Variants in TFAP2A observed in about 807,000 individuals in gnomAD.
TFAP2A encodes the protein transcription factor AP-2-alpha.
TFAP2A carries 7 observed loss-of-function variants against 41.5 expected under a neutral mutation model. The ratio of observed to expected loss-of-function variants is 0.17; its 90% CI spans 0.10 to 0.32. The LOEUF (loss-of-function observed/expected upper bound fraction) is 0.32. TFAP2A is among the 10% of genes least tolerant of loss of function. The probability of loss-of-function intolerance (pLI) is 1.00; values close to 1 mark genes in which losing one functional copy is unlikely to be tolerated. For missense variants in TFAP2A, 416 were observed against 563.3 expected, an observed-to-expected ratio of 0.74 and a Z score of 2.65; for synonymous variants, 247 against 242.8, an observed-to-expected ratio of 1.02 and a Z score of -0.16.
chr6:10,409,996 G>A lies in TFAP2A; in HGVS notation c.391C>T (p.Arg131Trp). The change falls in exon 2 of 7, where the codon CGG becomes TGG. Residue 131 changes from arginine to tryptophan, a missense_variant. By Grantham distance (101) the Arg-to-Trp change is moderately radical. Around this residue, in one of 3 missense-constraint regions of TFAP2A, gnomAD observed 241 missense variants for 274.1 expected, o/e 0.88. Coordinates refer to ENST00000379613, the MANE Select transcript of TFAP2A (RefSeq NM_001372066.1). ...SGLDPRRDYR[R>W]HEDLLHGPHA... is the part of the protein sequence containing the mutation. Reference sequence around the variant, plus strand: ...GGGCCGTGCAGGAGGTCCTCGTGCCGCCTGTAGTCCCTGCGAGGATCCAGG... The same window carrying A: ...GGGCCGTGCAGGAGGTCCTCGTGCCACCTGTAGTCCCTGCGAGGATCCAGG... 1 of 1,607,932 alleles carries A rather than the reference G, an allele frequency of 6.2e-7. No individual in the cohort carries two copies.
intron 2 of TFAP2A, among the ~76,000 whole-genome samples, chr6:10,408,217 T>C (rs1364073520): frequency 6.6e-6 from 1 of 152,254 alleles, no homozygotes; most frequent in Non-Finnish European, 1.5e-5. Context: ...AACCTTTTTC[T>C]TGACCCAAAT....
chr6:10,401,063 AGTCT>A (rs941604069), intron 5 of TFAP2A, among the ~76,000 whole-genome samples: 20 of 152,170 alleles, frequency 1.3e-4, no homozygotes, highest in African/African-American at 2.2e-4. Flanking sequence ...CACTCCACTG[AGTCT>A]GTCTGTGTTG....
In TFAP2A at chr6:10,406,652, T is replaced by TGCA. The variant is rs1261665152; in HGVS notation, c.538+140_538+141insTGC. 28 of 746,518 alleles carry TGCA rather than the reference T, an allele frequency of 3.8e-5. No homozygotes were observed. The African/African-American group carries it at 4.3e-4, about 12-fold the overall frequency. 46.2% of individuals were successfully genotyped at this position (746,518 alleles called of 1,614,324 possible). On this transcript the variant is annotated intron_variant, in intron 3 of 6. Coordinates refer to ENST00000379613, the MANE Select transcript of TFAP2A (RefSeq NM_001372066.1). Reference sequence around the variant, plus strand: ...TACTGAAGGCTGATTATTTAAGCATTGCTGTTCTGTGCCTATCTATTTGCT... The same window carrying TGCA: ...TACTGAAGGCTGATTATTTAAGCATTGCAGCTGTTCTGTGCCTATCTATTTGCT...
intron 2 of TFAP2A, 134 bp from the exon 3 acceptor site, chr6:10,406,978 A>G: frequency 1.3e-6 from 1 of 771,092 alleles, no homozygotes; most frequent in Non-Finnish European, 2.3e-6. Flanking sequence ...TTATATATAA[A>G]CATCTCATCT....
intron 1 of TFAP2A, chr6:10,412,186 C>CGA (rs1758001691): frequency 1.0e-6 from 1 of 986,176 alleles, no homozygotes; most frequent in Non-Finnish European, 1.2e-6. Flanking sequence ...AGAGGGAGCG[C>CGA]GAGAGACAAA....
Position 10,398,273 on chromosome 6 carries a change from A to G in TFAP2A, c.*144T>C, listed in dbSNP as rs1332048106. The G allele has an allele frequency of 6.4e-6, 10 of 1,565,704 alleles. No homozygotes were observed. The African/African-American group carries it at 8.1e-5, about 13-fold the overall frequency. ...AGTCCCGGAGACTCGGGGGGACCCA[A>G]GGGCAGCGGCGGCGGCGGCGGCGGC... On this transcript the variant is annotated 3_prime_UTR_variant, in exon 7 of 7. Transcript: ENST00000379613. The surrounding 1 kb of genome is among the most constrained non-coding windows in gnomAD (Gnocchi z 5.3).
At chr6:10,411,638 A>C in intron 1 of TFAP2A, 4 of 1,613,256 alleles carry the variant, frequency 2.5e-6, no homozygotes, top group Non-Finnish European at 2.5e-6. Context: ...GGAAAAAAAC[A>C]AGCAAGCCTG....
chr6:10,398,796 C>G lies in TFAP2A; in HGVS notation c.1032-91G>C. 6.8e-7 allele frequency: 1 copy of G among 1,462,956 alleles called. No individual in the cohort carries two copies. Among genetic ancestry groups the G allele is most frequent in the Non-Finnish European group, 9.3e-7 (1 of 1,074,588 alleles). 90.6% of individuals were successfully genotyped at this position (1,462,956 alleles called of 1,614,324 possible). A position where few individuals can be genotyped will look rare whatever the true frequency, so the allele number is the denominator to read the frequency against. Reference sequence around the variant, plus strand: ...AGAAAACCTCCCTCCCTGCAGCTACCTCTGCCGGGATCCAGCCGGTACCTG... The same window carrying G: ...AGAAAACCTCCCTCCCTGCAGCTACGTCTGCCGGGATCCAGCCGGTACCTG... On this transcript the variant is annotated intron_variant, in intron 6 of 6. Transcript: ENST00000379613. This position sits in a 1 kb window ranked among gnomAD's most constrained non-coding sequence, Gnocchi z 5.3.
chr6:10,411,715 C>A, intron 1 of TFAP2A: 1 of 1,560,826 alleles, frequency 6.4e-7, no homozygotes, highest in South Asian at 1.2e-5. Context: ...CCGCGCCACC[C>A]AGGACTCCAG....
At chr6:10,415,915 G>A (rs1758224205), upstream of TFAP2A, 1 of 152,214 alleles carries the variant, frequency 6.6e-6, no homozygotes. Flanking sequence ...TAAAATAAAA[G>A]TTGTACCCTG....
chr6:10,413,047 T>A (rs1194107786), intron 1 of TFAP2A, among the ~76,000 whole-genome samples: 1 of 152,102 alleles, frequency 6.6e-6, no homozygotes, highest in Non-Finnish European at 1.5e-5. Context: ...CACTCCCGCC[T>A]GACGCCCCCC....
chr6:10,410,243 G>A lies in TFAP2A; in HGVS notation c.144C>T (p.Ser48=). The change falls in exon 2 of 7, where the codon TCC becomes TCT. Residue 48 remains serine, a synonymous_variant. Transcript: ENST00000379613. The part of the protein sequence containing the change: ...QSPYTSAPPL[S]HTPNADFQPP... The stretch of plus-strand genomic sequence containing the variant: ...GCTGGAAGTCGGCATTGGGGGTGTG[G>A]GACAGCGGCGGGGCGCTCGTGTAGG... The A allele has an allele frequency of 6.2e-7, 1 of 1,611,946 alleles. No homozygotes were observed. The highest frequency in any genetic ancestry group is 8.5e-7 in the Non-Finnish European group (1 of 1,179,136).
At chr6:10,411,637 C>G in intron 1 of TFAP2A, 1 of 1,613,446 alleles carries the variant, frequency 6.2e-7, no homozygotes, top group Non-Finnish European at 8.5e-7. Flanking sequence ...TGGAAAAAAA[C>G]AAGCAAGCCT....
chr6:10,398,357 CG>C lies in TFAP2A; in HGVS notation c.*59del. ...TGCTGATCCCGGAGCTGTCACCCGC[CG>C]GAGGGTGGGCGCGCGGGGGGCTGGT... is the stretch of plus-strand genomic sequence containing the variant. On this transcript the variant is annotated 3_prime_UTR_variant, in exon 7 of 7. Coordinates refer to ENST00000379613, the MANE Select transcript of TFAP2A (RefSeq NM_001372066.1). This position sits in a 1 kb window ranked among gnomAD's most constrained non-coding sequence, Gnocchi z 5.3. The C allele has an allele frequency of 7.8e-7, 1 of 1,275,610 alleles. No individual in the cohort carries two copies. Among genetic ancestry groups the C allele is most frequent in the South Asian group, 1.3e-5 (1 of 79,474 alleles). The allele number at this position is 1,275,610 out of a possible 1,614,324, so 79.0% of individuals were successfully genotyped here.
upstream of TFAP2A, chr6:10,419,324 G>A: frequency 6.8e-7 from 1 of 1,474,510 alleles, no homozygotes; most frequent in Non-Finnish European, 9.4e-7. Flanking sequence ...CCCTGCCCTG[G>A]GCCACGGCGC....
chr6:10,417,089 C>T (rs1350008288), upstream of TFAP2A: 2 of 152,864 alleles, frequency 1.3e-5, no homozygotes, highest in African/African-American at 4.8e-5. Context: ...CGACACCCTC[C>T]CAGCAGCGGC....
At chr6:10,417,199 C>G (rs1387413155), upstream of TFAP2A, 1 of 152,340 alleles carries the variant, frequency 6.6e-6, no homozygotes, top group East Asian at 1.9e-4. Flanking sequence ...GTTTCGCTTT[C>G]TTGCCCTCTG....
At position 10,404,605 on chromosome 6, in the gene TFAP2A, A is replaced by C; in HGVS notation, c.673T>G (p.Ser225Ala). 1 of 1,614,084 alleles carries C rather than the reference A, an allele frequency of 6.2e-7. No homozygotes were observed. The highest frequency in any genetic ancestry group is 8.5e-7 in the Non-Finnish European group (1 of 1,180,002). Residue 225 changes from serine to alanine, a missense_variant, in exon 4 of 7, where the codon TCC (serine) becomes GCC (alanine). Coordinates refer to ENST00000379613, the MANE Select transcript of TFAP2A (RefSeq NM_001372066.1). The stretch of plus-strand genomic sequence containing the variant: ...ACCGTGACCTTGTACTTCGAGGTGG[A>C]GCTGAGGAGCGAGAGGCGACCCGGA... ...SVPGRLSLLS[S>A]TSKYKVTVAE...
intron 1 of TFAP2A, among the ~76,000 whole-genome samples, chr6:10,413,912 T>C (rs559535482): frequency 1.3e-5 from 2 of 151,316 alleles, no homozygotes; most frequent in South Asian, 4.2e-4. Context: ...CCTATTTATT[T>C]AGGTAATCTC....
Sources: gnomAD v4.1 joint callset for allele counts (sites outside exome capture counted in the v4.1 genomes callset) on GRCh38, gnomAD v4.1.1 for gene constraint, gnomAD v4.1.1 regional missense constraint, Gnocchi (gnomAD v3.1) non-coding constraint, MANE v1.5 for transcripts, NCBI Gene and HGNC (gene_info 2026-07-23, HGNC 2026-07-21) for gene names.